The following ANO4 variants were observed in gnomAD, a reference collection of about 807,000 sequenced individuals.
The protein encoded by ANO4 is anoctamin-4.
Under a neutral mutation model 141.9 loss-of-function variants are expected in ANO4, and 69 were observed. The observed-to-expected ratio is 0.49, with a 90% CI of 0.40 to 0.59. The LOEUF (loss-of-function observed/expected upper bound fraction) is 0.59, where lower values mean the gene tolerates loss of function less well. Among genes scored for constraint, ANO4 ranks in the 20% least tolerant of loss-of-function variants. The pLI is 0.00. For missense variants in ANO4, 894 were observed against 1,162.2 expected (o/e 0.77, Z 3.36); for synonymous variants, 350 against 394.3 (o/e 0.89, Z 1.33).
chr12:100,924,132 CTTTAG>C (rs2041763075), intron 3 of ANO4, among the ~76,000 whole-genome samples: 1 of 152,046 alleles, frequency 6.6e-6, no homozygotes, highest in Admixed American at 6.6e-5. Context: ...TGCAGAAGCT[CTTTAG>C]TTTAATTAGA....
intron 15 of ANO4, among the ~76,000 whole-genome samples, 185 bp from the exon 16 acceptor site, chr12:101,083,493 C>CT (rs1385306761): frequency 2.0e-5 from 3 of 152,128 alleles, no homozygotes; most frequent in Non-Finnish European, 4.4e-5. Context: ...GATCTTCACT[C>CT]TTTAGATTTT....
chr12:101,041,329 T>A (rs2047403737), intron 11 of ANO4, among the ~76,000 whole-genome samples: 1 of 152,240 alleles, frequency 6.6e-6, no homozygotes, highest in African/African-American at 2.4e-5. Flanking sequence ...CAGATAATCT[T>A]AGTGAATGGA....
intron 2 of ANO4, among the ~76,000 whole-genome samples, chr12:100,911,200 C>T (rs2136064741): frequency 6.6e-6 from 1 of 152,122 alleles, no homozygotes; most frequent in East Asian, 1.9e-4. Flanking sequence ...TGCTATTTTC[C>T]TTATTTGATG....
chr12:101,036,783 GAGAT>G (rs1171254010), intron 9 of ANO4, among the ~76,000 whole-genome samples: 2 of 152,178 alleles, frequency 1.3e-5, no homozygotes, highest in East Asian at 3.8e-4. Context: ...AGCATGGGTG[GAGAT>G]AGATGTGTTA....
At chr12:101,040,120 A>G (rs756860131) in intron 11 of ANO4, 44 bp downstream of exon 11, 15 of 1,550,670 alleles carry the variant, frequency 9.7e-6, no homozygotes, top group Non-Finnish European at 1.3e-5. Flanking sequence ...GCACAGAATG[A>G]TTAGGGCAGA....
At chr12:100,833,585 G>A in intron 1 of ANO4, among the ~76,000 whole-genome samples, 1 of 151,986 alleles carries the variant, frequency 6.6e-6, no homozygotes. Flanking sequence ...TCTTCTATTA[G>A]TCATTTGATC....
At chr12:100,788,275 A>AT (rs2033934570) in intron 3 of ANO4, among the ~76,000 whole-genome samples, 1 of 152,216 alleles carries the variant, frequency 6.6e-6, no homozygotes, top group Non-Finnish European at 1.5e-5. Flanking sequence ...GACCAGATCG[A>AT]TTTTAACATA....
chr12:100,870,486 C>T (rs554714094), intron 1 of ANO4, among the ~76,000 whole-genome samples: 2 of 152,204 alleles, frequency 1.3e-5, no homozygotes, highest in South Asian at 2.1e-4. Flanking sequence ...GCCCTTGAAA[C>T]ATGACAGTTT....
intron 3 of ANO4, among the ~76,000 whole-genome samples, chr12:100,932,613 T>G (rs2042126594): frequency 6.6e-6 from 1 of 152,182 alleles, no homozygotes; most frequent in African/African-American, 2.4e-5. Context: ...GAGGAATAAT[T>G]GAAATAATTG....
chr12:101,092,867 A>G (rs1390947920), intron 17 of ANO4, among the ~76,000 whole-genome samples: 1 of 152,190 alleles, frequency 6.6e-6, no homozygotes, highest in Non-Finnish European at 1.5e-5. Context: ...TAAACCAGTT[A>G]ATCAAGAATT....
At position 100,909,527 on chromosome 12, in the gene ANO4, G is replaced by C. The variant is rs183803071; in HGVS notation, c.55+7687G>C. On this transcript the variant is annotated intron_variant, in intron 2 of 27. Transcript: ENST00000392977. ...CAGGGACATGTGCTTAAGCTGCTGT[G>C]ATAGAAGTCAAACTGTATTAAGGGC... 3.5e-3 allele frequency among the ~76,000 whole-genome samples: 528 copies of C among 152,310 alleles called. 4 individuals are homozygous for C. Among genetic ancestry groups the C allele is most frequent in the Middle Eastern group, 0.01 (3 of 294 alleles).
At position 100,863,494 on chromosome 12, in the gene ANO4, T is replaced by C. The variant is rs531814532; in HGVS notation, c.-140-38152T>C. 7.9e-5 allele frequency among the ~76,000 whole-genome samples: 12 copies of C among 152,300 alleles called. No individual in the cohort carries two copies. In the South Asian group the frequency reaches 2.5e-3, roughly 32 times the overall value. On this transcript the variant is annotated intron_variant, in intron 1 of 27. Transcript: ENST00000392977. ...CTCTTTTGAGTTTCTGTAACAATCT[T>C]ACTCTTGAAATGAAGGCTTTCGGCT...
Position 101,094,253 on chromosome 12 carries a change from C to A in ANO4, c.1702-3C>A. The A allele has an allele frequency of 2.5e-6, 4 of 1,609,322 alleles. No individual in the cohort carries two copies. Among genetic ancestry groups the A allele is most frequent in the Non-Finnish European group, 3.4e-6 (4 of 1,176,054 alleles). On this transcript the variant is annotated splice_polypyrimidine_tract_variant and splice_region_variant and intron_variant, in intron 17 of 27. Transcript: ENST00000392977. ...TATTAAATGCATGAAATTTATTTTA[C>A]AGCTCTATGAAAAAGTTGCCCTGCT...
rs557195374 is a variant in ANO4 at position 100,830,070 on chromosome 12, T to C, written c.-141+35043T>C. On this transcript the variant is annotated intron_variant, in intron 1 of 27. Coordinates refer to ENST00000392977, the MANE Select transcript of ANO4 (RefSeq NM_001286615.2). The stretch of plus-strand genomic sequence containing the variant: ...AGACATATAAAGAGTAGGACTATAG[T>C]CATTATGCCTATTGCATATCATTGT... Among the ~76,000 whole-genome samples, 51 of 152,202 alleles carry C rather than the reference T, an allele frequency of 3.4e-4. 1 individual carries two copies. Among genetic ancestry groups the C allele is most frequent in the African/African-American group, 1.2e-3 (48 of 41,552 alleles).
intron 26 of ANO4, among the ~76,000 whole-genome samples, chr12:101,125,642 G>A (rs548588817): frequency 1.3e-5 from 2 of 152,224 alleles, no homozygotes; most frequent in East Asian, 3.9e-4. Flanking sequence ...TAATCATGTG[G>A]TTTTTGTCTT....
Position 101,099,702 on chromosome 12 carries a change from G to A in ANO4, c.2131G>A (p.Asp711Asn), listed in dbSNP as rs754705690. 11 of 1,570,416 alleles carry A rather than the reference G, an allele frequency of 7.0e-6. No individual in the cohort carries two copies. Among genetic ancestry groups the A allele is most frequent in the South Asian group, 2.4e-5 (2 of 82,088 alleles). Residue 711 changes from aspartate (D) to asparagine (N), a missense_variant, in exon 22 of 28, where the codon GAT becomes AAT. Physicochemically the swap from Asp to Asn is conservative, Grantham distance 23. Transcript: ENST00000392977. ...LQPMNAYGLFDEYLEMILQFG... is the reference protein window; with the variant it reads ...LQPMNAYGLFNEYLEMILQFG... ...GCCGATGAATGCCTATGGACTCTTC[G>A]ATGAATACTTAGAAATGAGTATGGA... is the stretch of plus-strand genomic sequence containing the variant.
At chr12:101,062,219 G>A (rs1443866168) in intron 14 of ANO4, among the ~76,000 whole-genome samples, 1 of 152,210 alleles carries the variant, frequency 6.6e-6, no homozygotes, top group Admixed American at 6.5e-5. Flanking sequence ...GGAGGCTGCA[G>A]AACAGCAAAG....
intron 7 of ANO4, among the ~76,000 whole-genome samples, chr12:100,983,232 G>A (rs1812425): frequency 0.24 from 36,031 of 152,156 alleles, 4,420 homozygotes; most frequent in Middle Eastern, 0.39. Flanking sequence ...TGGAATGGCA[G>A]CCTTAACAGT....
At chr12:101,017,851 G>T (rs1566132514) in intron 8 of ANO4, among the ~76,000 whole-genome samples, 1 of 152,220 alleles carries the variant, frequency 6.6e-6, no homozygotes, top group African/African-American at 2.4e-5. Flanking sequence ...TCTGGCACAT[G>T]CCCTGTGTGT....
Sources: gnomAD v4.1 joint callset for allele counts (sites outside exome capture counted in the v4.1 genomes callset) on GRCh38, gnomAD v4.1.1 for gene constraint, MANE v1.5 for transcripts, NCBI Gene and HGNC (gene_info 2026-07-23, HGNC 2026-07-21) for gene names.